The following UBE2R2 variants were observed in gnomAD, a reference collection of about 807,000 sequenced individuals.
UBE2R2 encodes ubiquitin-conjugating enzyme E2 R2.
In UBE2R2, 1 loss-of-function variant was observed where a neutral mutation model predicts 27.8. That is an observed-to-expected ratio of 0.04 (90% CI 0.01 to 0.17). The LOEUF (loss-of-function observed/expected upper bound fraction) is 0.17. Among genes scored for constraint, UBE2R2 ranks in the 10% least tolerant of loss-of-function variants. The pLI is 1.00. For missense variants in UBE2R2, 100 were observed against 291.0 expected (o/e 0.34, Z 4.78); for synonymous variants, 106 against 113.3 (o/e 0.94, Z 0.41).
intron 1 of UBE2R2, among the ~76,000 whole-genome samples, chr9:33,876,398 ATAAGT>A (rs1821603491): frequency 6.6e-6 from 1 of 152,144 alleles, no homozygotes; most frequent in South Asian, 2.1e-4. Flanking sequence ...GTTCTGAAAA[ATAAGT>A]AAAGTAATAG....
chr9:33,819,012 C>CT (rs1825909248), intron 1 of UBE2R2, among the ~76,000 whole-genome samples: 1 of 151,928 alleles, frequency 6.6e-6, no homozygotes, highest in Admixed American at 6.6e-5. Context: ...TTTGTTTTTA[C>CT]TTGAGTGTTT....
At chr9:33,830,155 A>G (rs1335108836) in intron 1 of UBE2R2, among the ~76,000 whole-genome samples, 2 of 125,682 alleles carry the variant, frequency 1.6e-5, no homozygotes, top group African/African-American at 5.8e-5. Flanking sequence ...TCCAAGTTTC[A>G]TAATTTTTTT....
chr9:33,856,052 A>G (rs550614086), intron 1 of UBE2R2, among the ~76,000 whole-genome samples: 1 of 152,236 alleles, frequency 6.6e-6, no homozygotes, highest in Non-Finnish European at 1.5e-5. Flanking sequence ...AACCTGCCTC[A>G]AAAAACCAAA....
At chr9:33,889,280 C>T (rs1821928372) in intron 2 of UBE2R2, among the ~76,000 whole-genome samples, 1 of 152,238 alleles carries the variant, frequency 6.6e-6, no homozygotes, top group African/African-American at 2.4e-5. Context: ...AAGCCACCAG[C>T]ACATTTGGTC....
intron 1 of UBE2R2, among the ~76,000 whole-genome samples, chr9:33,836,580 G>A (rs1255478809): frequency 6.6e-6 from 1 of 151,848 alleles, no homozygotes; most frequent in Non-Finnish European, 1.5e-5. Flanking sequence ...ACATGGCAAA[G>A]CCCCATCTCT....
At chr9:33,863,536 A>G (rs1217932200) in intron 1 of UBE2R2, among the ~76,000 whole-genome samples, 1 of 152,164 alleles carries the variant, frequency 6.6e-6, no homozygotes, top group Non-Finnish European at 1.5e-5. Context: ...AACAAAAAAA[A>G]AAAAAGTGCA....
intron 1 of UBE2R2, among the ~76,000 whole-genome samples, chr9:33,839,483 C>A (rs1193743499): frequency 1.5e-5 from 2 of 135,012 alleles, no homozygotes; most frequent in Non-Finnish European, 3.0e-5. Context: ...GGTGATCCAC[C>A]CGCCTCAGCC....
At chr9:33,853,872 A>G (rs1012948664) in intron 1 of UBE2R2, among the ~76,000 whole-genome samples, 1 of 147,834 alleles carries the variant, frequency 6.8e-6, no homozygotes, top group African/African-American at 2.5e-5. Flanking sequence ...AAAAAAAAAT[A>G]TTTTGTGGAG....
chr9:33,859,842 C>T (rs1163251594), intron 1 of UBE2R2, among the ~76,000 whole-genome samples: 1 of 148,820 alleles, frequency 6.7e-6, no homozygotes, highest in Non-Finnish European at 1.5e-5. Flanking sequence ...CTCTCTATGA[C>T]CAGGCTGGAG....
At chr9:33,818,084 A>T in intron 1 of UBE2R2, 150 bp downstream of exon 1, 1 of 758,410 alleles carries the variant, frequency 1.3e-6, no homozygotes, top group Non-Finnish European at 1.8e-6. Context: ...CCCTGGAGGC[A>T]GGAAGGCCTT....
chr9:33,825,466 C>G (rs1343149362), intron 1 of UBE2R2, among the ~76,000 whole-genome samples: 1 of 152,034 alleles, frequency 6.6e-6, no homozygotes, highest in African/African-American at 2.4e-5. Flanking sequence ...GTCTCAAACT[C>G]CTGACCTCAG....
At chr9:33,893,755 C>T (rs1822037274) in intron 2 of UBE2R2, among the ~76,000 whole-genome samples, 1 of 152,196 alleles carries the variant, frequency 6.6e-6, no homozygotes, top group South Asian at 2.1e-4. Flanking sequence ...CCTCAACCAC[C>T]CAAGTAGCTG....
At chr9:33,850,571 A>G (rs1820944564) in intron 1 of UBE2R2, among the ~76,000 whole-genome samples, 1 of 152,060 alleles carries the variant, frequency 6.6e-6, no homozygotes, top group Admixed American at 6.6e-5. Flanking sequence ...TTGCATATCT[A>G]GCTTCCCGAC....
At chr9:33,907,613 G>T (rs1031238981) in intron 3 of UBE2R2, among the ~76,000 whole-genome samples, 3 of 151,716 alleles carry the variant, frequency 2.0e-5, no homozygotes, top group African/African-American at 7.3e-5. Context: ...GCACCAGTGT[G>T]TTCTTGTGGA....
At chr9:33,822,372 C>T (rs1218197019) in intron 1 of UBE2R2, among the ~76,000 whole-genome samples, 1 of 150,594 alleles carries the variant, frequency 6.6e-6, no homozygotes, top group African/African-American at 2.4e-5. Context: ...GATTACAGGC[C>T]TGAGCCACCA....
At chr9:33,916,359 C>T (rs947692090) in intron 4 of UBE2R2, among the ~76,000 whole-genome samples, 15 of 151,964 alleles carry the variant, frequency 9.9e-5, no homozygotes, top group Non-Finnish European at 1.9e-4. Context: ...AAGAGTGGGT[C>T]GTGCAAGACA....
intron 3 of UBE2R2, among the ~76,000 whole-genome samples, chr9:33,901,276 G>A (rs933562122): frequency 3.9e-5 from 6 of 152,194 alleles, no homozygotes; most frequent in Non-Finnish European, 7.3e-5. Context: ...AAAGACCAGA[G>A]AAGTAATGTG....
intron 1 of UBE2R2, among the ~76,000 whole-genome samples, chr9:33,824,916 A>T (rs901687878): frequency 1.3e-5 from 2 of 151,530 alleles, no homozygotes; most frequent in African/African-American, 4.8e-5. Flanking sequence ...CTTTTGGTAA[A>T]TTTTTTTTTA....
chr9:33,821,442 G>A (rs1037922294), intron 1 of UBE2R2, among the ~76,000 whole-genome samples: 1 of 152,040 alleles, frequency 6.6e-6, no homozygotes, highest in Non-Finnish European at 1.5e-5. Flanking sequence ...ACAGGCGTCA[G>A]CCACCATGCC....
Sources: gnomAD v4.1 joint callset for allele counts (sites outside exome capture counted in the v4.1 genomes callset) on GRCh38, gnomAD v4.1.1 for gene constraint, MANE v1.5 for transcripts, NCBI Gene and HGNC (gene_info 2026-07-23, HGNC 2026-07-21) for gene names.